Variants in ADAM28 observed in about 807,000 individuals in gnomAD.
The protein encoded by ADAM28 is ADAM metallopeptidase domain 28.
A neutral mutation model predicts 101.2 loss-of-function variants in ADAM28; 105 were observed. The ratio of observed to expected loss-of-function variants is 1.04; its 90% CI spans 0.89 to 1.22. The LOEUF (loss-of-function observed/expected upper bound fraction) is 1.22. ADAM28 is among the 50% of genes most tolerant of loss of function. The pLI is 0.00. For synonymous variants in ADAM28, 322 were observed against 310.6 expected (o/e 1.04, Z -0.39); for missense variants, 1,028 against 945.4 (o/e 1.09, Z -1.15).
intron 1 of ADAM28, among the ~76,000 whole-genome samples, chr8:24,298,701 T>G (rs1364924107): frequency 6.6e-6 from 1 of 152,174 alleles, no homozygotes; most frequent in African/African-American, 2.4e-5. Context: ...CTTTTCAGTT[T>G]TAGTCTTAGA....
intron 8 of ADAM28, among the ~76,000 whole-genome samples, chr8:24,323,384 A>G (rs1198620115): frequency 1.3e-5 from 2 of 151,998 alleles, no homozygotes; most frequent in Non-Finnish European, 2.9e-5. Context: ...GCATCAATGT[A>G]CAACATTTCA....
intron 13 of ADAM28, among the ~76,000 whole-genome samples, chr8:24,334,825 C>T (rs1335592527): frequency 1.3e-5 from 2 of 152,134 alleles, no homozygotes; most frequent in Non-Finnish European, 2.9e-5. Context: ...TTTCTCTGAG[C>T]AAATAAGAGT....
chr8:24,351,839 G>A, intron 20 of ADAM28, 148 bp from the exon 21 acceptor site: 1 of 665,220 alleles, frequency 1.5e-6, no homozygotes, highest in South Asian at 2.0e-5. Context: ...GAATACGCCA[G>A]CAGGACCACT....
chr8:24,322,284 T>C (rs964997069), intron 8 of ADAM28, among the ~76,000 whole-genome samples: 2 of 151,934 alleles, frequency 1.3e-5, no homozygotes, highest in Admixed American at 6.6e-5. Flanking sequence ...TTCATTTATA[T>C]AGCAGATGGG....
intron 16 of ADAM28, 194 bp from the exon 17 acceptor site, chr8:24,342,907 T>C (rs192405984): frequency 1.0e-6 from 1 of 964,364 alleles, no homozygotes; most frequent in African/African-American, 1.6e-5. Flanking sequence ...TAGATAGACT[T>C]TATCAACCTT....
At chr8:24,351,648 C>G (rs1816158349) in intron 20 of ADAM28, 1 of 465,420 alleles carries the variant, frequency 2.1e-6, no homozygotes, top group Admixed American at 3.6e-5. Flanking sequence ...AAAATAGATA[C>G]AAAAATATGT....
At chr8:24,317,796 G>A (rs185120392) in intron 6 of ADAM28, among the ~76,000 whole-genome samples, 4 of 152,124 alleles carry the variant, frequency 2.6e-5, no homozygotes, top group African/African-American at 9.6e-5. Context: ...GAATAAAACA[G>A]TGGTTACCAG....
chr8:24,300,359 CAA>C (rs1268285009), intron 2 of ADAM28, among the ~76,000 whole-genome samples: 1 of 152,140 alleles, frequency 6.6e-6, no homozygotes, highest in African/African-American at 2.4e-5. Context: ...TTCTACAAAT[CAA>C]GTTTCTGAGA....
In ADAM28 at chr8:24,294,145, C is replaced by G; in HGVS notation, c.-5C>G. 1 of 1,614,100 alleles carries G rather than the reference C, an allele frequency of 6.2e-7. No homozygotes were observed. The highest frequency in any genetic ancestry group is 8.5e-7 in the Non-Finnish European group (1 of 1,179,982). ...GCAGACACCGTGCTCCTGGAATCAC[C>G]CAGCATGTTGCAAGGTCTCCTGCCA... is the stretch of plus-strand genomic sequence containing the variant. On this transcript the variant is annotated 5_prime_UTR_variant, in exon 1 of 23. Transcript: ENST00000265769.
At chr8:24,342,338 T>C (rs535743107) in intron 16 of ADAM28, among the ~76,000 whole-genome samples, 3 of 152,282 alleles carry the variant, frequency 2.0e-5, no homozygotes, top group Middle Eastern at 3.4e-3. Context: ...ATCCTCAGAA[T>C]ATTATCCTAT....
intron 1 of ADAM28, among the ~76,000 whole-genome samples, chr8:24,298,427 G>T (rs1056721686): frequency 9.2e-5 from 14 of 152,066 alleles, no homozygotes; most frequent in African/African-American, 2.7e-4. Flanking sequence ...TTTAAAAAAC[G>T]CTGTTTTTTG....
intron 6 of ADAM28, among the ~76,000 whole-genome samples, chr8:24,314,727 T>A (rs1563282151): frequency 1.3e-5 from 2 of 151,624 alleles, no homozygotes; most frequent in African/African-American, 4.8e-5. Flanking sequence ...ATCAAATGAG[T>A]AAAAAATAAT....
rs1815858310 is a variant in ADAM28, at chr8:24,349,877, G to A, written c.2004G>A (p.Val668=). The change falls in exon 19 of 23, where the codon GTG becomes GTA. Residue 668 remains valine, a synonymous_variant. Coordinates refer to ENST00000265769, the MANE Select transcript of ADAM28 (RefSeq NM_014265.6). The part of the protein sequence containing the change: ...DSSVVFHFSI[V]VGVLFPMAVI... ...TCTCTGCTGCAGACTTCTCCATTGT[G>A]GTTGGGGTGCTGTTCCCAATGGCGG... The A allele has an allele frequency of 1.2e-6, 2 of 1,613,644 alleles. No individual in the cohort carries two copies. Among genetic ancestry groups the A allele is most frequent in the Non-Finnish European group, 1.7e-6 (2 of 1,179,736 alleles).
chr8:24,336,088 G>A (rs1814010485), intron 14 of ADAM28: 3 of 988,524 alleles, frequency 3.0e-6, no homozygotes, highest in Non-Finnish European at 3.6e-6. Flanking sequence ...CTGTGGGATG[G>A]GACAGAAATA....
chr8:24,294,323 A>G, intron 1 of ADAM28, 128 bp downstream of exon 1: 1 of 1,089,124 alleles, frequency 9.2e-7, no homozygotes, highest in Non-Finnish European at 1.3e-6. Context: ...AATCTTACTA[A>G]CCAGTTGGGC....
chr8:24,348,375 T>G (rs1815671203), intron 18 of ADAM28, among the ~76,000 whole-genome samples: 1 of 152,132 alleles, frequency 6.6e-6, no homozygotes, highest in Non-Finnish European at 1.5e-5. Flanking sequence ...GAGTATTCGT[T>G]GATGGTAACA....
chr8:24,347,382 C>CAAGGTTATGCTAG (rs1327578870), intron 18 of ADAM28, among the ~76,000 whole-genome samples: 4 of 151,776 alleles, frequency 2.6e-5, no homozygotes, highest in Non-Finnish European at 4.4e-5. Flanking sequence ...ATTTTGGTAT[C>CAAGGTTATGCTAG]AAGGTTATGC....
At position 24,294,155 on chromosome 8, in the gene ADAM28, G is replaced by C. The variant is rs1328935778; in HGVS notation, c.6G>C (p.Leu2Phe). ...TGCTCCTGGAATCACCCAGCATGTTGCAAGGTCTCCTGCCAGTCAGTCTCC... is the reference window on the plus strand; with the variant it reads ...TGCTCCTGGAATCACCCAGCATGTTCCAAGGTCTCCTGCCAGTCAGTCTCC... MLQGLLPVSLLL... is the reference protein window; with the variant it reads MFQGLLPVSLLL... The change falls in exon 1 of 23, where the codon TTG becomes TTC. Residue 2 changes from leucine to phenylalanine, a missense_variant. By Grantham distance (22) the Leu-to-Phe change is conservative. Transcript: ENST00000265769. The C allele has an allele frequency of 3.7e-6, 6 of 1,614,008 alleles. No individual in the cohort carries two copies. Among genetic ancestry groups the C allele is most frequent in the Non-Finnish European group, 5.1e-6 (6 of 1,180,014 alleles).
At chr8:24,344,996 ACT>A (rs1815240599) in intron 18 of ADAM28, among the ~76,000 whole-genome samples, 1 of 151,400 alleles carries the variant, frequency 6.6e-6, no homozygotes, top group Non-Finnish European at 1.5e-5. Flanking sequence ...TGCATTCATA[ACT>A]CTGTTAAAGT....
Sources: gnomAD v4.1 joint callset for allele counts (sites outside exome capture counted in the v4.1 genomes callset) on GRCh38, gnomAD v4.1.1 for gene constraint, MANE v1.5 for transcripts, NCBI Gene and HGNC (gene_info 2026-07-23, HGNC 2026-07-21) for gene names.